The following CWF19L2 variants were observed in gnomAD, a reference collection of about 807,000 sequenced individuals.
CWF19L2 encodes CWF19 like cell cycle control factor 2, also known as CWF19-like protein 2.
CWF19L2 carries 98 observed loss-of-function variants against 111.7 expected under a neutral mutation model. That is an observed-to-expected ratio of 0.88 (90% CI 0.75 to 1.04). The LOEUF is 1.04. CWF19L2 is among the 50% of genes least tolerant of loss of function. The pLI, the probability that CWF19L2 is intolerant of heterozygous loss-of-function variation, is 0.00. For missense variants in CWF19L2, 1,101 were observed against 1,051.4 expected (o/e 1.05, Z -0.65); for synonymous variants, 351 against 342.9 (o/e 1.02, Z -0.26).
chr11:107,424,036 C>T (rs2135404171), intron 8 of CWF19L2, among the ~76,000 whole-genome samples: 1 of 151,830 alleles, frequency 6.6e-6, no homozygotes, highest in Middle Eastern at 3.4e-3. Flanking sequence ...ATACCAATAC[C>T]AATCATAACT....
At chr11:107,343,706 A>C (rs370639097) in intron 14 of CWF19L2, among the ~76,000 whole-genome samples, 1 of 151,732 alleles carries the variant, frequency 6.6e-6, no homozygotes, top group Non-Finnish European at 1.5e-5. Flanking sequence ...TGATTTATTT[A>C]GTGTTTTTCA....
intron 8 of CWF19L2, among the ~76,000 whole-genome samples, chr11:107,420,598 T>C (rs908665880): frequency 9.9e-5 from 15 of 152,216 alleles, no homozygotes; most frequent in Middle Eastern, 6.8e-3. Context: ...GCAGGAGTTA[T>C]GTTCCAAGAC....
chr11:107,375,540 G>A lies in CWF19L2; in HGVS notation c.1872+14534C>T, dbSNP rs1325752646. ...ATGACTACTGGGTACATAACGAAAT[G>A]AAGGCAGAAATAAAGATGTTCTTCG... On this transcript the variant is annotated intron_variant, in intron 12 of 17. Transcript: ENST00000282251. Among the ~76,000 whole-genome samples, 3 of 137,270 alleles carry A rather than the reference G, an allele frequency of 2.2e-5. 1 individual carries two copies. Among genetic ancestry groups the A allele is most frequent in the African/African-American group, 8.4e-5 (3 of 35,748 alleles). The allele number at this position is 137,270 out of a possible 152,430, so 90.1% of individuals were successfully genotyped here.
At chr11:107,333,926 G>A (rs1218428190) in intron 16 of CWF19L2, among the ~76,000 whole-genome samples, 1 of 152,162 alleles carries the variant, frequency 6.6e-6, no homozygotes, top group East Asian at 1.9e-4. Flanking sequence ...CAGGTCATAC[G>A]TTCTCTGTAG....
In CWF19L2 at chr11:107,387,467, C is replaced by CAAAAAA. The variant is rs996753060; in HGVS notation, c.1872+2601_1872+2606dup. ...AAAAACAAAACAAAACAAAACAAAA[C>CAAAAAA]AAAAAACAAAAAAAACCTTCAAATG... On this transcript the variant is annotated intron_variant, in intron 12 of 17. Transcript: ENST00000282251. 1.5e-4 allele frequency among the ~76,000 whole-genome samples: 19 copies of CAAAAAA among 129,320 alleles called. No homozygotes were observed. In the East Asian group the frequency reaches 3.6e-3, roughly 24 times the overall value. 84.8% of individuals were successfully genotyped at this position (129,320 alleles called of 152,430 possible). A position where few individuals can be genotyped will look rare whatever the true frequency, so the allele number is the denominator to read the frequency against.
chr11:107,404,809 C>T (rs1298565569), intron 10 of CWF19L2, among the ~76,000 whole-genome samples: 1 of 152,166 alleles, frequency 6.6e-6, no homozygotes, highest in Non-Finnish European at 1.5e-5. Flanking sequence ...GTTCATTATA[C>T]ACCCAAAGCT....
chr11:107,427,642 AAGAGCCTCATTCCCCT>A (rs1192105726), intron 8 of CWF19L2, among the ~76,000 whole-genome samples: 2 of 152,134 alleles, frequency 1.3e-5, no homozygotes, highest in Admixed American at 1.3e-4. Flanking sequence ...ATCAGGAAAT[AAGAGCCTCATTCCCCT>A]AGTGACTGGG....
chr11:107,368,381 G>T (rs936846334), intron 12 of CWF19L2, among the ~76,000 whole-genome samples: 1 of 137,234 alleles, frequency 7.3e-6, no homozygotes, highest in Non-Finnish European at 1.6e-5. Flanking sequence ...TTCCAAGATT[G>T]AACGAACCAC....
At chr11:107,414,293 A>G (rs1565274415) in intron 10 of CWF19L2, among the ~76,000 whole-genome samples, 1 of 152,028 alleles carries the variant, frequency 6.6e-6, no homozygotes, top group Non-Finnish European at 1.5e-5. Flanking sequence ...TCCTGGCCTC[A>G]AACAATCCTC....
intron 10 of CWF19L2, among the ~76,000 whole-genome samples, chr11:107,404,969 T>C (rs1301353680): frequency 1.3e-5 from 2 of 152,230 alleles, no homozygotes; most frequent in Non-Finnish European, 2.9e-5. Flanking sequence ...GTTCCCAATT[T>C]GCCATCACAT....
intron 6 of CWF19L2, among the ~76,000 whole-genome samples, chr11:107,434,817 C>T (rs1353892849): frequency 3.3e-5 from 5 of 152,006 alleles, no homozygotes; most frequent in Non-Finnish European, 7.4e-5. Flanking sequence ...CTTCTGGTGA[C>T]AAGGTAGTGA....
chr11:107,355,316 G>A (rs1448847680), intron 12 of CWF19L2, among the ~76,000 whole-genome samples: 1 of 151,896 alleles, frequency 6.6e-6, no homozygotes. Context: ...TCAGGAGGCT[G>A]AGACAGGAGA....
At chr11:107,333,410 G>A (rs945099790) in intron 16 of CWF19L2, among the ~76,000 whole-genome samples, 4 of 152,080 alleles carry the variant, frequency 2.6e-5, no homozygotes, top group East Asian at 3.9e-4. Flanking sequence ...TATAGAAAAC[G>A]GGGACTAATA....
chr11:107,337,365 TTTTGTG>T (rs1565242787), intron 14 of CWF19L2, among the ~76,000 whole-genome samples: 2 of 114,076 alleles, frequency 1.8e-5, no homozygotes, highest in African/African-American at 3.6e-5. Flanking sequence ...GAGGTGTGTG[TTTTGTG>T]TGTGTGTGTG....
rs533870929 is a variant in CWF19L2 at position 107,456,411 on chromosome 11, CA to C, written c.106-636del. 1.7e-4 allele frequency among the ~76,000 whole-genome samples: 26 copies of C among 152,142 alleles called. No homozygotes were observed. In the South Asian group the frequency reaches 3.1e-3, roughly 18 times the overall value. On this transcript the variant is annotated intron_variant, in intron 1 of 17. Transcript: ENST00000282251. The stretch of plus-strand genomic sequence containing the variant: ...CTCAACTTACGAAACTTACTCCCTC[CA>C]AAAACTGCTGGAAATACCAAAGAGA...
intron 12 of CWF19L2, among the ~76,000 whole-genome samples, chr11:107,371,787 G>A (rs1350708992): frequency 7.3e-6 from 1 of 136,780 alleles, no homozygotes; most frequent in Non-Finnish European, 1.6e-5. Context: ...CTCGGTCATT[G>A]CTGTCACCAT....
At chr11:107,416,570 T>G (rs1157609417) in intron 9 of CWF19L2, among the ~76,000 whole-genome samples, 2 of 152,212 alleles carry the variant, frequency 1.3e-5, no homozygotes, top group Non-Finnish European at 1.5e-5. Flanking sequence ...ATACATAACC[T>G]TAATGACATT....
At chr11:107,456,838 G>C (rs1250571849) in intron 1 of CWF19L2, among the ~76,000 whole-genome samples, 1 of 152,156 alleles carries the variant, frequency 6.6e-6, no homozygotes, top group East Asian at 1.9e-4. Flanking sequence ...AACAGGGTGA[G>C]AAAATTGGAG....
rs576091840 is a variant in CWF19L2 at position 107,447,702 on chromosome 11, A to G, written c.340-4653T>C. ...CCAAAAGGAAACTCAATACTCTCTG[A>G]AGAAGTCAACAAAATCCAGCAGTCA... On this transcript the variant is annotated intron_variant, in intron 3 of 17. Coordinates refer to ENST00000282251, the MANE Select transcript of CWF19L2 (RefSeq NM_152434.3). Among the ~76,000 whole-genome samples the G allele has an allele frequency of 2.0e-5, 3 of 152,346 alleles. No individual in the cohort carries two copies. In the East Asian group the frequency reaches 5.8e-4, roughly 29 times the overall value.
Sources: gnomAD v4.1 joint callset for allele counts (sites outside exome capture counted in the v4.1 genomes callset) on GRCh38, gnomAD v4.1.1 for gene constraint, MANE v1.5 for transcripts, NCBI Gene and HGNC (gene_info 2026-07-23, HGNC 2026-07-21) for gene names.